Variants in PRELID3A observed in about 807,000 individuals in gnomAD.
The protein encoded by PRELID3A is PRELI domain containing 3A, also known as PRELI domain containing protein 3A.
A neutral mutation model predicts 23.0 loss-of-function variants in PRELID3A; 27 were observed. The observed-to-expected ratio is 1.17, with a 90% CI of 0.87 to 1.62. PRELID3A has a LOEUF of 1.62. PRELID3A is among the 40% of genes most tolerant of loss of function. PRELID3A has a pLI of 0.00. For synonymous variants in PRELID3A, 87 were observed against 86.4 expected (o/e 1.01, Z -0.04); for missense variants, 231 against 231.4 (o/e 1.00, Z 0.01).
At chr18:12,429,248 G>T in intron 5 of PRELID3A, 102 bp from the exon 6 acceptor site, 1 of 933,486 alleles carries the variant, frequency 1.1e-6, no homozygotes, top group Admixed American at 1.8e-5. Flanking sequence ...CCTTGTAACT[G>T]CAGCGCTTGC....
chr18:12,421,520 A>C lies in PRELID3A; in HGVS notation c.202-20A>C. Reference sequence around the variant, plus strand: ...AGAATTTTTAACGTTCCACTATGCTAGTTTTGCTTTGTTTTCTAGATTTTG... The same window carrying C: ...AGAATTTTTAACGTTCCACTATGCTCGTTTTGCTTTGTTTTCTAGATTTTG... On this transcript the variant is annotated intron_variant, in intron 2 of 6. Coordinates refer to ENST00000440960, the MANE Select transcript of PRELID3A (RefSeq NM_001142405.2). 1 of 1,483,956 alleles carries C rather than the reference A, an allele frequency of 6.7e-7. No individual in the cohort carries two copies. The highest frequency in any genetic ancestry group is 9.4e-7 in the Non-Finnish European group (1 of 1,061,448). 91.9% of individuals were successfully genotyped at this position (1,483,956 alleles called of 1,614,324 possible). A position where few individuals can be genotyped will look rare whatever the true frequency, so the allele number is the denominator to read the frequency against.
At chr18:12,421,298 T>C (rs146731550) in intron 2 of PRELID3A, 1 of 492,274 alleles carries the variant, frequency 2.0e-6, no homozygotes, top group African/African-American at 2.0e-5. Context: ...CAGCCTGTTT[T>C]ATTTTGCCGG....
intron 2 of PRELID3A, 135 bp downstream of exon 2, chr18:12,420,628 G>A: frequency 1.0e-6 from 1 of 980,648 alleles, no homozygotes; most frequent in East Asian, 3.1e-5. Flanking sequence ...GGCGGCGGGG[G>A]GCCTTTCCTG....
In PRELID3A at chr18:12,421,667, G is replaced by C. The variant is rs145437237; in HGVS notation, c.291+38G>C. 35 of 1,402,338 alleles carry C rather than the reference G, an allele frequency of 2.5e-5. 1 individual carries two copies. In the East Asian group the frequency reaches 7.7e-4, roughly 31 times the overall value. The allele number at this position is 1,402,338 out of a possible 1,614,324, so 86.9% of individuals were successfully genotyped here. A position where few individuals can be genotyped will look rare whatever the true frequency, so the allele number is the denominator to read the frequency against. ...CTCAGATGAGAAACGGGCTCAGTGT[G>C]TCTGGGTGGTGGTGCGTAAGGCCTT... On this transcript the variant is annotated intron_variant, in intron 3 of 6. Transcript: ENST00000440960.
intron 1 of PRELID3A, among the ~76,000 whole-genome samples, chr18:12,414,042 A>C (rs146785314): frequency 6.6e-6 from 1 of 152,172 alleles, no homozygotes; most frequent in East Asian, 1.9e-4. Flanking sequence ...CTTTCTGTTT[A>C]TTGCTCTTTC....
At chr18:12,423,798 A>G (rs148603849) in intron 3 of PRELID3A, among the ~76,000 whole-genome samples, 42 of 152,300 alleles carry the variant, frequency 2.8e-4, no homozygotes, top group Middle Eastern at 3.4e-3. Context: ...TCTTCTCAGC[A>G]TCTTGTGGGA....
rs762427691 is a variant in PRELID3A, at chr18:12,407,938, G to T, written c.-38G>T. ...CGGAGCCGCGCGGCCCGAAGCACCC[G>T]GCCCGGATCGCAGAGCCCGCGCCCT... On this transcript the variant is annotated 5_prime_UTR_variant, in exon 1 of 7. Coordinates refer to ENST00000440960, the MANE Select transcript of PRELID3A (RefSeq NM_001142405.2). 2 of 1,287,996 alleles carry T rather than the reference G, an allele frequency of 1.6e-6. No individual in the cohort carries two copies. The highest frequency in any genetic ancestry group is 1.6e-5 in the African/African-American group (1 of 64,330). The allele number at this position is 1,287,996 out of a possible 1,614,324, so 79.8% of individuals were successfully genotyped here.
At chr18:12,429,014 G>A (rs984566164) in intron 5 of PRELID3A, among the ~76,000 whole-genome samples, 8 of 152,220 alleles carry the variant, frequency 5.3e-5, no homozygotes, top group African/African-American at 1.7e-4. Context: ...AGGGGATGGG[G>A]TTGGGGGTGC....
At chr18:12,418,926 T>A (rs944849717) in intron 1 of PRELID3A, among the ~76,000 whole-genome samples, 4 of 152,140 alleles carry the variant, frequency 2.6e-5, no homozygotes, top group Non-Finnish European at 5.9e-5. Flanking sequence ...CGGTGGCTCA[T>A]GCCCATAATT....
At chr18:12,430,451 TTG>T (rs944634388) in intron 6 of PRELID3A, among the ~76,000 whole-genome samples, 2 of 149,358 alleles carry the variant, frequency 1.3e-5, no homozygotes, top group Admixed American at 1.3e-4. Context: ...GTGCTGTATG[TTG>T]TGTGTGTGCT....
At chr18:12,410,314 G>T (rs749936608) in intron 1 of PRELID3A, among the ~76,000 whole-genome samples, 2 of 152,262 alleles carry the variant, frequency 1.3e-5, no homozygotes, top group Non-Finnish European at 2.9e-5. Flanking sequence ...AAGGAATCCC[G>T]GTCATCCCTG....
At chr18:12,420,276 C>T in intron 1 of PRELID3A, 49 bp from the exon 2 acceptor site, 1 of 1,540,394 alleles carries the variant, frequency 6.5e-7, no homozygotes, top group Non-Finnish European at 8.8e-7. Context: ...TTCACCCTTG[C>T]GGCCCCGGCC....
chr18:12,409,775 GTGAAAAATCACAGT>G (rs573325772), intron 1 of PRELID3A, among the ~76,000 whole-genome samples: 98 of 152,296 alleles, frequency 6.4e-4, no homozygotes, highest in African/African-American at 2.3e-3. Flanking sequence ...ATAGCTAGCT[GTGAAAAATCACAGT>G]TGATGCTTTT....
In PRELID3A at chr18:12,427,282, GA is replaced by G; in HGVS notation, c.427del (p.Ser143ValfsTer2). ...VKGISLGSYLESLMANTISSN... is the reference protein window; with the variant it reads ...VKGISLGSYLXSLMANTISSN... ...GGGGATTAGCCTTGGTAGTTATTTG[GA>G]AAGTTTAATGGCCAATACGATATCA... On this transcript the variant is annotated frameshift_variant, in exon 5 of 7. Coordinates refer to ENST00000440960, the MANE Select transcript of PRELID3A (RefSeq NM_001142405.2). LOFTEE classifies it high-confidence loss of function. 2.5e-6 allele frequency: 4 copies of G among 1,614,132 alleles called. No individual in the cohort carries two copies. The Middle Eastern group carries it at 6.6e-4, about 266-fold the overall frequency.
chr18:12,422,218 T>A (rs1443242928), intron 3 of PRELID3A: 5 of 135,272 alleles, frequency 3.7e-5, no homozygotes, highest in African/African-American at 1.4e-4. Flanking sequence ...TTTTTTTTAA[T>A]TTTTGAGACA....
At chr18:12,410,150 C>G (rs1011728617) in intron 1 of PRELID3A, among the ~76,000 whole-genome samples, 9 of 152,202 alleles carry the variant, frequency 5.9e-5, no homozygotes, top group Admixed American at 1.3e-4. Flanking sequence ...TGAGGCTCAC[C>G]ATGTGGTAGA....
chr18:12,412,037 A>C (rs1909934542), intron 1 of PRELID3A, among the ~76,000 whole-genome samples: 1 of 151,190 alleles, frequency 6.6e-6, no homozygotes, highest in Admixed American at 6.6e-5. Flanking sequence ...CAGCCTCCAG[A>C]GTAGCTGGAA....
At chr18:12,420,684 C>T (rs1341975175) in intron 2 of PRELID3A, among the ~76,000 whole-genome samples, 191 bp downstream of exon 2, 1 of 128,614 alleles carries the variant, frequency 7.8e-6, no homozygotes, top group African/African-American at 2.9e-5. Flanking sequence ...GGAACTTCCC[C>T]GAGATCAGGG....
At chr18:12,416,723 G>A (rs11080577) in intron 1 of PRELID3A, among the ~76,000 whole-genome samples, 27,114 of 149,124 alleles carry the variant, frequency 0.18, 2,933 homozygotes, top group East Asian at 0.32. Flanking sequence ...TGGGCTCACT[G>A]CAAGCTCCGC....
Sources: allele counts gnomAD v4.1 joint callset (sites outside exome capture counted in the v4.1 genomes callset), GRCh38; gene constraint gnomAD v4.1.1; transcripts MANE v1.5; gene names NCBI Gene and HGNC (gene_info 2026-07-23, HGNC 2026-07-21).